The following KAT14 variants were observed in gnomAD, a reference collection of about 807,000 sequenced individuals.
KAT14 encodes lysine acetyltransferase 14, also known as cysteine-rich protein 2-binding protein.
KAT14 carries 66 observed loss-of-function variants against 78.4 expected under a neutral mutation model. That is an observed-to-expected ratio of 0.84 (90% CI 0.69 to 1.03). KAT14 has a LOEUF of 1.03. Among genes scored for constraint, KAT14 ranks in the 50% least tolerant of loss-of-function variants. The pLI is 0.00. For missense variants in KAT14, 870 were observed against 972.5 expected (o/e 0.89, Z 1.40); for synonymous variants, 344 against 359.4 (o/e 0.96, Z 0.48).
chr20:18,153,837 A>G (rs547369925), intron 4 of KAT14, among the ~76,000 whole-genome samples: 1 of 152,374 alleles, frequency 6.6e-6, no homozygotes, highest in Non-Finnish European at 1.5e-5. Flanking sequence ...TAAGTGGGAA[A>G]CCTATATAAA....
At position 18,142,476 on chromosome 20, in the gene KAT14, A is replaced by G. The variant is rs552887491; in HGVS notation, c.-185A>G. On this transcript the variant is annotated 5_prime_UTR_variant, in exon 2 of 11. Transcript: ENST00000688188. ...GTCACTGTCCTTTTAAACTTGATCA[A>G]ATAAAGGACAGTGGGTCATATAAGT... 6.1e-5 allele frequency: 89 copies of G among 1,457,346 alleles called. No homozygotes were observed. In the South Asian group the frequency reaches 1.2e-3, roughly 20 times the overall value. The allele number at this position is 1,457,346 out of a possible 1,614,324, so 90.3% of individuals were successfully genotyped here.
intron 7 of KAT14, among the ~76,000 whole-genome samples, chr20:18,177,368 A>G (rs2039086040): frequency 1.3e-5 from 2 of 152,192 alleles, no homozygotes; most frequent in Non-Finnish European, 2.9e-5. Flanking sequence ...CCTAGACTCA[A>G]AAGTCCCAGA....
rs1301083601 is a variant in KAT14, at chr20:18,162,723, C to T, written c.1446C>T (p.Ala482=). 1 of 1,614,202 alleles carries T rather than the reference C, an allele frequency of 6.2e-7. No individual in the cohort carries two copies. The highest frequency in any genetic ancestry group is 8.5e-7 in the Non-Finnish European group (1 of 1,180,026). Residue 482 remains alanine, a synonymous_variant, in exon 7 of 11, where the codon GCC becomes GCT. Coordinates refer to ENST00000688188, the MANE Select transcript of KAT14 (RefSeq NM_001392073.1). ...TGGAAGCTTGTCCCGGTGCTGTTGC[C>T]ATGACTCCGGAAGCTCGGAGACTGA... ...KRLEACPGAV[A]MTPEARRLKR... is the part of the protein sequence containing the mutation.
chr20:18,187,596 G>A lies in KAT14; in HGVS notation c.*137G>A, dbSNP rs1183297907. The A allele has an allele frequency of 1.4e-6, 2 of 1,421,000 alleles. No individual in the cohort carries two copies. The highest frequency in any genetic ancestry group is 2.6e-5 in the Admixed American group (1 of 38,168). The allele number at this position is 1,421,000 out of a possible 1,614,324, so 88.0% of individuals were successfully genotyped here. A position where few individuals can be genotyped will look rare whatever the true frequency, so the allele number is the denominator to read the frequency against. On this transcript the variant is annotated 3_prime_UTR_variant, in exon 11 of 11. Coordinates refer to ENST00000688188, the MANE Select transcript of KAT14 (RefSeq NM_001392073.1). ...TCCTTCAAACTCCCAACCAAAGTGA[G>A]AAAAGCGGCATGCAGTGAAATGAGC...
At chr20:18,184,956 A>G (rs1161895089) in intron 10 of KAT14, among the ~76,000 whole-genome samples, 164 bp downstream of exon 10, 1 of 152,158 alleles carries the variant, frequency 6.6e-6, no homozygotes, top group Non-Finnish European at 1.5e-5. Context: ...AGGTTATCAA[A>G]GCACACAGTC....
At chr20:18,167,105 C>CA (rs2038668982) in intron 7 of KAT14, among the ~76,000 whole-genome samples, 1 of 152,162 alleles carries the variant, frequency 6.6e-6, no homozygotes. Context: ...GGAGGGCAGC[C>CA]ACCCAGCAAC....
chr20:18,138,240 C>T (rs1408961478), intron 1 of KAT14, 189 bp downstream of exon 1: 3 of 1,245,206 alleles, frequency 2.4e-6, no homozygotes, highest in Admixed American at 4.3e-5. Flanking sequence ...CGCTGCAGCT[C>T]CCGGCGGGCG....
chr20:18,183,344 C>T (rs1187824095), intron 9 of KAT14, 46 bp downstream of exon 9: 2 of 1,525,598 alleles, frequency 1.3e-6, no homozygotes, highest in African/African-American at 1.4e-5. Flanking sequence ...TCTGTACAGT[C>T]CATTCTAGCA....
chr20:18,187,521 A>G lies in KAT14; in HGVS notation c.*62A>G. On this transcript the variant is annotated 3_prime_UTR_variant, in exon 11 of 11. Coordinates refer to ENST00000688188, the MANE Select transcript of KAT14 (RefSeq NM_001392073.1). ...GGAGAACAGGTCTTTGTGGAGATCT[A>G]AAGGCAGTGATTGATTTCACAGGGA... The G allele has an allele frequency of 6.3e-7, 1 of 1,598,928 alleles. No individual in the cohort carries two copies. The highest frequency in any genetic ancestry group is 8.5e-7 in the Non-Finnish European group (1 of 1,175,692).
chr20:18,153,240 G>A (rs2038111201), intron 4 of KAT14, among the ~76,000 whole-genome samples: 1 of 152,104 alleles, frequency 6.6e-6, no homozygotes, highest in South Asian at 2.1e-4. Context: ...TCAGAAGGAG[G>A]GTGACCTGCA....
chr20:18,181,785 A>G lies in KAT14; in HGVS notation c.1744A>G (p.Met582Val), dbSNP rs369977136. The stretch of plus-strand genomic sequence containing the variant: ...GTATCGCTTGGTAGGATCAGAAGAT[A>G]TGGCTGTGGACCAGAGTATTGTCAG... ...FLYRLVGSED[M>V]AVDQSIVSPY... is the part of the protein sequence containing the mutation. Residue 582 changes from methionine (M) to valine (V), a missense_variant, in exon 8 of 11, where the codon ATG (methionine) becomes GTG (valine). Coordinates refer to ENST00000688188, the MANE Select transcript of KAT14 (RefSeq NM_001392073.1). The G allele has an allele frequency of 3.3e-4, 537 of 1,614,090 alleles. No homozygotes were observed. The highest frequency in any genetic ancestry group is 4.4e-4 in the Non-Finnish European group (523 of 1,180,036).
rs576719565 is a variant in KAT14 at position 18,183,086 on chromosome 20, C to T, written c.1806-37C>T. 27 of 1,570,490 alleles carry T rather than the reference C, an allele frequency of 1.7e-5. No homozygotes were observed. In the African/African-American group the frequency reaches 3.4e-4, roughly 20 times the overall value. On this transcript the variant is annotated intron_variant, in intron 8 of 10. Transcript: ENST00000688188. Reference sequence around the variant, plus strand: ...GCTAGGAATAATACCAGGTATTTTTCTTGACTTGAATTTGTTTATCTTCTG... The same window carrying T: ...GCTAGGAATAATACCAGGTATTTTTTTTGACTTGAATTTGTTTATCTTCTG...
At chr20:18,175,147 T>A (rs1271232012) in intron 7 of KAT14, among the ~76,000 whole-genome samples, 1 of 151,998 alleles carries the variant, frequency 6.6e-6, no homozygotes, top group Non-Finnish European at 1.5e-5. Context: ...GCAAAACCAT[T>A]TCTCCTCCTC....
Position 18,159,230 on chromosome 20 carries a change from G to A in KAT14, c.647G>A (p.Gly216Glu). 6.2e-7 allele frequency: 1 copy of A among 1,614,062 alleles called. No homozygotes were observed. The highest frequency in any genetic ancestry group is 8.5e-7 in the Non-Finnish European group (1 of 1,179,994). The change falls in exon 5 of 11, where the codon GGA becomes GAA. Residue 216 changes from glycine to glutamate, a missense_variant. Physicochemically the swap from Gly to Glu is moderately conservative, Grantham distance 98. Transcript: ENST00000688188. ...AAGCCCCCAACGATGAAACCTGAAG[G>A]AGAGAAGTTGTCTGCCTCTACTTTG... The part of the protein sequence containing the change: ...HNKPPTMKPE[G>E]EKLSASTLKI...
intron 7 of KAT14, among the ~76,000 whole-genome samples, chr20:18,169,242 A>G (rs1479396753): frequency 6.6e-6 from 1 of 152,202 alleles, no homozygotes; most frequent in Non-Finnish European, 1.5e-5. Flanking sequence ...TTAACATATT[A>G]AACATATTAT....
intron 8 of KAT14, 23 bp downstream of exon 8, chr20:18,181,869 G>T: frequency 1.2e-6 from 2 of 1,612,782 alleles, no homozygotes; most frequent in South Asian, 2.2e-5. Flanking sequence ...CTAGAGGTGT[G>T]ATGTCAGGTG....
At chr20:18,176,544 C>T (rs989714005) in intron 7 of KAT14, among the ~76,000 whole-genome samples, 2 of 152,144 alleles carry the variant, frequency 1.3e-5, no homozygotes, top group South Asian at 2.1e-4. Context: ...GGGTTCAGGA[C>T]GGCCTCTCTG....
Position 18,161,884 on chromosome 20 carries a change from G to T in KAT14, c.744G>T (p.Arg248=). Residue 248 remains arginine, a synonymous_variant, in exon 6 of 11, where the codon CGG becomes CGT. Transcript: ENST00000688188. The stretch of plus-strand genomic sequence containing the variant: ...AGGGACTTAGAAAACGAGCAAGTCG[G>T]AATCCTGTGGAATCTGCCATGGAAT... The part of the protein sequence containing the change: ...TVEGLRKRAS[R]NPVESAMELK... The T allele has an allele frequency of 6.2e-7, 1 of 1,614,188 alleles. No individual in the cohort carries two copies. Among genetic ancestry groups the T allele is most frequent in the Non-Finnish European group, 8.5e-7 (1 of 1,180,034 alleles).
chr20:18,148,798 C>T (rs1168410126), intron 3 of KAT14, among the ~76,000 whole-genome samples: 13 of 151,414 alleles, frequency 8.6e-5, no homozygotes, highest in African/African-American at 2.9e-4. Flanking sequence ...TTAGTAGAGA[C>T]GGGGTTTCAC....
Sources: allele counts gnomAD v4.1 joint callset (sites outside exome capture counted in the v4.1 genomes callset), GRCh38; gene constraint gnomAD v4.1.1; transcripts MANE v1.5; gene names NCBI Gene and HGNC (gene_info 2026-07-23, HGNC 2026-07-21).